RFC1: variants seen among roughly 807,000 people sequenced by gnomAD.
RFC1 encodes the protein replication factor C subunit 1.
In RFC1, 37 loss-of-function variants were observed where a neutral mutation model predicts 137.4. The ratio of observed to expected loss-of-function variants is 0.27; its 90% CI spans 0.21 to 0.35. RFC1 has a LOEUF of 0.35. RFC1 is among the 10% of genes least tolerant of loss of function. RFC1 has a pLI of 1.00. For missense variants in RFC1, 1,205 were observed against 1,358.5 expected, an observed-to-expected ratio of 0.89 and a Z score of 1.78; for synonymous variants, 429 against 455.7, an observed-to-expected ratio of 0.94 and a Z score of 0.75.
At chr4:39,332,679 T>C (rs1740159359) in intron 4 of RFC1, among the ~76,000 whole-genome samples, 1 of 152,232 alleles carries the variant, frequency 6.6e-6, no homozygotes, top group Non-Finnish European at 1.5e-5. Flanking sequence ...CCTTAATCTA[T>C]CCGCTGAACA....
rs573754920 is a variant in RFC1, at chr4:39,343,981, G to A, written c.208+1420C>T. On this transcript the variant is annotated intron_variant, in intron 3 of 24. Transcript: ENST00000349703. ...CTACAAAAATTAGCTGGGCATGGTGGTGGGCACCTGTAATCCCAGCTACCT... is the reference window on the plus strand; with the variant it reads ...CTACAAAAATTAGCTGGGCATGGTGATGGGCACCTGTAATCCCAGCTACCT... Among the ~76,000 whole-genome samples the A allele has an allele frequency of 5.9e-5, 9 of 152,142 alleles. No homozygotes were observed. In the East Asian group the frequency reaches 1.7e-3, roughly 29 times the overall value.
intron 1 of RFC1, among the ~76,000 whole-genome samples, chr4:39,355,068 C>T (rs1194773626): frequency 4.8e-5 from 6 of 126,120 alleles, no homozygotes; most frequent in South Asian, 2.5e-4. Context: ...GGCGACAGAG[C>T]GACACTCATC....
intron 1 of RFC1, among the ~76,000 whole-genome samples, chr4:39,360,908 T>G (rs1741725477): frequency 6.6e-6 from 1 of 152,218 alleles, no homozygotes; most frequent in African/African-American, 2.4e-5. Context: ...TATTTCTGGT[T>G]AATATTTTAA....
rs1737683798 is a variant in RFC1 at position 39,291,674 on chromosome 4, C to T, written c.3133G>A (p.Gly1045Ser). 1 of 1,613,966 alleles carries T rather than the reference C, an allele frequency of 6.2e-7. No homozygotes were observed. The highest frequency in any genetic ancestry group is 1.7e-5 in the Admixed American group (1 of 60,000). ...ENIMEISSWG[G>S]KPSPFSKLDP... ...AGCTTTGAAAAGGGACTAGGTTTGC[C>T]ACCCCAGCTGCTGATTTCCATGATA... Residue 1045 changes from glycine (G) to serine (S), a missense_variant, in exon 23 of 25, where the codon GGC (glycine) becomes AGC (serine). This residue lies in a region of RFC1 where 237 missense variants were observed against 304.2 expected (regional missense o/e 0.78). Transcript: ENST00000349703.
chr4:39,327,675 G>A lies in RFC1; in HGVS notation c.413C>T (p.Thr138Ile). ...TTCTTCATTCTTTTTCATGTTTGAT[G>A]TTCCAAGATGACTATTTGTAGATCT... ...NGRSTNSHLG[T>I]SNMKKNEENT... The change falls in exon 5 of 25, where the codon ACA becomes ATA. Residue 138 changes from threonine (T) to isoleucine (I), a missense_variant. Thr to Ile is a moderately conservative substitution (Grantham distance 89). Around this residue, in one of 3 missense-constraint regions of RFC1, gnomAD observed 962 missense variants for 1,035.3 expected, o/e 0.93. Coordinates refer to ENST00000349703, the MANE Select transcript of RFC1 (RefSeq NM_002913.5). 1 of 1,613,448 alleles carries A rather than the reference G, an allele frequency of 6.2e-7. No homozygotes were observed. Among genetic ancestry groups the A allele is most frequent in the Middle Eastern group, 1.7e-4 (1 of 6,056 alleles).
At chr4:39,355,324 A>G (rs1741418777) in intron 1 of RFC1, among the ~76,000 whole-genome samples, 6 of 151,464 alleles carry the variant, frequency 4.0e-5, no homozygotes, top group Admixed American at 3.9e-4. Flanking sequence ...AGTCCCAGCT[A>G]CTCAGGAGGC....
chr4:39,292,287 A>G (rs958797335), intron 22 of RFC1, among the ~76,000 whole-genome samples: 4 of 152,206 alleles, frequency 2.6e-5, no homozygotes, highest in African/African-American at 9.7e-5. Context: ...ACAAAATCAT[A>G]TATGAATGCT....
At chr4:39,351,771 G>A (rs1003386339) in intron 1 of RFC1, among the ~76,000 whole-genome samples, 1 of 152,040 alleles carries the variant, frequency 6.6e-6, no homozygotes, top group African/African-American at 2.4e-5. Flanking sequence ...AGACCAGCCT[G>A]GCCAACATGG....
intron 1 of RFC1, chr4:39,365,342 A>T: frequency 3.8e-5 from 12 of 318,894 alleles, no homozygotes; most frequent in Non-Finnish European, 5.4e-5. Flanking sequence ...TGTCACTGTG[A>T]CACGTTGACC....
At chr4:39,295,563 G>A (rs1383054119) in intron 22 of RFC1, 51 bp downstream of exon 22, 6 of 1,496,394 alleles carry the variant, frequency 4.0e-6, no homozygotes, top group South Asian at 3.9e-5. Context: ...CTGGATAAAG[G>A]CCAAATACAC....
chr4:39,315,075 C>A (rs542207134), intron 10 of RFC1, among the ~76,000 whole-genome samples: 3 of 152,294 alleles, frequency 2.0e-5, no homozygotes, highest in African/African-American at 7.2e-5. Flanking sequence ...CCTTCACAGC[C>A]AAACTTATCA....
chr4:39,348,424 A>AAAGAAAAGAAAAGAAAAG (rs1217669975), intron 2 of RFC1, among the ~76,000 whole-genome samples: 1 of 71,780 alleles, frequency 1.4e-5, no homozygotes, highest in African/African-American at 4.9e-5. Context: ...CTCTGTTTCA[A>AAAGAAAAGAAAAGAAAAG]AAAAGAAAAG....
intron 13 of RFC1, among the ~76,000 whole-genome samples, chr4:39,307,132 GC>G (rs1289366062): frequency 6.6e-6 from 1 of 152,142 alleles, no homozygotes; most frequent in African/African-American, 2.4e-5. Context: ...TAAAGTTGCT[GC>G]TAAGGATGTT....
intron 4 of RFC1, among the ~76,000 whole-genome samples, chr4:39,338,214 TTA>T (rs1740450306): frequency 6.6e-6 from 1 of 152,210 alleles, no homozygotes; most frequent in Non-Finnish European, 1.5e-5. Context: ...TGTGGTTAAA[TTA>T]GTTTTTAAAA....
chr4:39,323,134 A>G (rs1001330059), intron 7 of RFC1: 3 of 373,856 alleles, frequency 8.0e-6, no homozygotes, highest in African/African-American at 6.3e-5. Context: ...GTTTTGTGAT[A>G]AAAGGTTCTG....
At chr4:39,329,967 G>C (rs1425475175) in intron 4 of RFC1, among the ~76,000 whole-genome samples, 1 of 152,096 alleles carries the variant, frequency 6.6e-6, no homozygotes, top group Non-Finnish European at 1.5e-5. Flanking sequence ...CTGGGAGGCG[G>C]AGGTCACAGT....
intron 2 of RFC1, among the ~76,000 whole-genome samples, chr4:39,349,586 AT>A (rs1390702965): frequency 6.6e-6 from 1 of 152,206 alleles, no homozygotes. Flanking sequence ...AGTACCATCT[AT>A]TTTGTAGTAT....
At chr4:39,354,893 C>T (rs984287250) in intron 1 of RFC1, among the ~76,000 whole-genome samples, 5 of 151,306 alleles carry the variant, frequency 3.3e-5, no homozygotes, top group African/African-American at 1.2e-4. Context: ...ACCAGCCTGG[C>T]CAATACAGCA....
chr4:39,355,366 G>T (rs1468697234), intron 1 of RFC1, among the ~76,000 whole-genome samples: 2 of 151,614 alleles, frequency 1.3e-5, no homozygotes, highest in African/African-American at 4.9e-5. Context: ...AGAGTTTGAG[G>T]CTGCAGTGAG....
Sources: gnomAD v4.1 joint callset for allele counts (sites outside exome capture counted in the v4.1 genomes callset) on GRCh38, gnomAD v4.1.1 for gene constraint, gnomAD v4.1.1 regional missense constraint, MANE v1.5 for transcripts, NCBI Gene and HGNC (gene_info 2026-07-23, HGNC 2026-07-21) for gene names.